Variants in PDE4D observed in about 807,000 individuals in gnomAD.
PDE4D encodes the protein phosphodiesterase 4D, also known as 3',5'-cyclic-AMP phosphodiesterase 4D.
In PDE4D, 24 loss-of-function variants were observed where a neutral mutation model predicts 87.4. The ratio of observed to expected loss-of-function variants is 0.27; its 90% CI spans 0.20 to 0.39. The LOEUF (loss-of-function observed/expected upper bound fraction) is 0.39. PDE4D is among the 10% of genes least tolerant of loss of function. The probability of loss-of-function intolerance (pLI) is 1.00; values close to 1 mark genes in which losing one functional copy is unlikely to be tolerated. For missense variants in PDE4D, 714 were observed against 1,041.0 expected, an observed-to-expected ratio of 0.69 and a Z score of 4.32; for synonymous variants, 384 against 383.2, an observed-to-expected ratio of 1.00 and a Z score of -0.02.
chr5:59,853,915 G>A (rs1435060653), intron 1 of PDE4D, among the ~76,000 whole-genome samples: 1 of 151,840 alleles, frequency 6.6e-6, no homozygotes, highest in Non-Finnish European at 1.5e-5. Flanking sequence ...CTATCATATG[G>A]ACATAATTTA....
chr5:60,265,279 T>C (rs1384342372), intron 1 of PDE4D, among the ~76,000 whole-genome samples: 1 of 152,214 alleles, frequency 6.6e-6, no homozygotes, highest in East Asian at 1.9e-4. Context: ...GCAGGGCCTA[T>C]GTGAGGCTGG....
chr5:59,612,310 AT>A (rs34443614), intron 1 of PDE4D, among the ~76,000 whole-genome samples: 129,459 of 150,362 alleles, frequency 0.86, 55,741 homozygotes, highest in South Asian at 0.93. Context: ...GGATGTTCTA[AT>A]TTTTTTTTTT....
chr5:60,422,410 A>G (rs1435576875), intron 1 of PDE4D, among the ~76,000 whole-genome samples: 1 of 152,174 alleles, frequency 6.6e-6, no homozygotes, highest in Non-Finnish European at 1.5e-5. Context: ...AAAGAAAAAA[A>G]TTTTCAACCC....
rs34669732 is a variant in PDE4D, at chr5:59,518,193, TTGTGTGTG to T, written c.456-302233_456-302226del. ...AGTATATATGTATGTACTTGTGTGT[TTGTGTGTG>T]TGTGTGTGTGTGTGTGTGTGTATAA... On this transcript the variant is annotated intron_variant, in intron 1 of 14. Transcript: ENST00000340635. Among the ~76,000 whole-genome samples, 280 of 149,484 alleles carry T rather than the reference TTGTGTGTG, an allele frequency of 1.9e-3. 1 individual carries two copies. The highest frequency in any genetic ancestry group is 5.3e-3 in the Admixed American group (80 of 15,008).
At chr5:59,346,520 GATA>G (rs1779624676) in intron 1 of PDE4D, among the ~76,000 whole-genome samples, 2 of 151,820 alleles carry the variant, frequency 1.3e-5, no homozygotes, top group South Asian at 4.2e-4. Context: ...TTCCCCCACC[GATA>G]ATAATTTCTT....
At chr5:59,622,692 G>C (rs1023195326) in intron 1 of PDE4D, among the ~76,000 whole-genome samples, 1 of 152,182 alleles carries the variant, frequency 6.6e-6, no homozygotes, top group African/African-American at 2.4e-5. Flanking sequence ...GCACCTGGGA[G>C]ACTATTTTAG....
chr5:60,481,971 T>C (rs1748764198), intron 1 of PDE4D, among the ~76,000 whole-genome samples: 1 of 151,888 alleles, frequency 6.6e-6, no homozygotes, highest in African/African-American at 2.4e-5. Context: ...TGAAGAACAG[T>C]AAGGAAAGAA....
chr5:59,916,600 T>A (rs1003286340), intron 3 of PDE4D, among the ~76,000 whole-genome samples: 1 of 152,204 alleles, frequency 6.6e-6, no homozygotes, highest in Admixed American at 6.5e-5. Context: ...ATAATTTGGT[T>A]TTAAAACCTA....
rs1378163701 is a variant in PDE4D, at chr5:59,398,720, G to A, written c.456-182752C>T. Among the ~76,000 whole-genome samples the A allele has an allele frequency of 3.4e-5, 4 of 116,618 alleles. 1 individual carries two copies. The highest frequency in any genetic ancestry group is 1.4e-4 in the African/African-American group (4 of 27,982). 76.5% of individuals were successfully genotyped at this position (116,618 alleles called of 152,430 possible). A position where few individuals can be genotyped will look rare whatever the true frequency, so the allele number is the denominator to read the frequency against. On this transcript the variant is annotated intron_variant, in intron 1 of 14. Coordinates refer to ENST00000340635, the MANE Select transcript of PDE4D (RefSeq NM_001104631.2). ...ACTCCTATTTAACATAGTGTTGGAA[G>A]TTCTGGCCAGGGCAATTAGGCAGGA... is the stretch of plus-strand genomic sequence containing the variant.
At chr5:58,986,846 A>G (rs1012683894) in intron 11 of PDE4D, among the ~76,000 whole-genome samples, 5 of 152,158 alleles carry the variant, frequency 3.3e-5, no homozygotes, top group African/African-American at 1.2e-4. Flanking sequence ...TGACCTTTCT[A>G]TCAGTTGTTT....
rs1469662585 is a variant in PDE4D at position 60,460,391 on chromosome 5, G to A, written c.-90+27551C>T. The A allele has an allele frequency of 9.8e-5, 102 of 1,035,920 alleles. 3 individuals carry two copies. The South Asian group carries it at 1.2e-3, about 13-fold the overall frequency. 64.2% of individuals were successfully genotyped at this position (1,035,920 alleles called of 1,614,324 possible). A position where few individuals can be genotyped will look rare whatever the true frequency, so the allele number is the denominator to read the frequency against. Reference sequence around the variant, plus strand: ...GTCATTTCAACTCTGCTCAAATAATGCAGTGCCTCTTCATCCTCCTCCAGC... The same window carrying A: ...GTCATTTCAACTCTGCTCAAATAATACAGTGCCTCTTCATCCTCCTCCAGC... On this transcript the variant is annotated intron_variant, in intron 1 of 16. Coordinates refer to the PDE4D transcript ENST00000502484.
At chr5:59,407,503 C>T (rs974127125) in intron 1 of PDE4D, among the ~76,000 whole-genome samples, 1 of 152,042 alleles carries the variant, frequency 6.6e-6, no homozygotes, top group African/African-American at 2.4e-5. Flanking sequence ...CTGAAAATGT[C>T]AAAATGACAT....
At chr5:60,488,316 C>A (rs1749315639), upstream of PDE4D, 1 of 152,184 alleles carries the variant, frequency 6.6e-6, no homozygotes, top group Middle Eastern at 3.4e-3. Context: ...AACGCAGCTA[C>A]ACCTGGAGCA....
intron 1 of PDE4D, among the ~76,000 whole-genome samples, chr5:59,860,504 T>A (rs1746102329): frequency 6.6e-6 from 1 of 152,178 alleles, no homozygotes. Flanking sequence ...ATTGTAATAA[T>A]TTAGTGACAA....
intron 5 of PDE4D, among the ~76,000 whole-genome samples, chr5:59,063,941 G>C (rs1398117350): frequency 1.3e-5 from 2 of 152,108 alleles, no homozygotes; most frequent in Non-Finnish European, 2.9e-5. Flanking sequence ...AATATACAGA[G>C]AGCAGTGAGG....
At chr5:60,253,777 G>T (rs566003788) in intron 1 of PDE4D, among the ~76,000 whole-genome samples, 1 of 151,950 alleles carries the variant, frequency 6.6e-6, no homozygotes, top group African/African-American at 2.4e-5. Context: ...ATCAAAAGGA[G>T]CTAAATGTCT....
At chr5:59,999,757 A>C (rs1047632471) in intron 2 of PDE4D, among the ~76,000 whole-genome samples, 5 of 152,018 alleles carry the variant, frequency 3.3e-5, no homozygotes, top group African/African-American at 1.2e-4. Flanking sequence ...AAAGAAATAA[A>C]AATTTATGTT....
intron 6 of PDE4D, among the ~76,000 whole-genome samples, chr5:59,006,889 A>T (rs1200826645): frequency 6.6e-6 from 1 of 152,208 alleles, no homozygotes; most frequent in Non-Finnish European, 1.5e-5. Context: ...AATTATGGGG[A>T]AACTAAGGCT....
chr5:60,277,410 C>T (rs1027702810), intron 1 of PDE4D, among the ~76,000 whole-genome samples: 2 of 152,066 alleles, frequency 1.3e-5, no homozygotes, highest in Non-Finnish European at 2.9e-5. Context: ...AGTAAGGCTG[C>T]AGAATACACA....
Sources: gnomAD v4.1 joint callset for allele counts (sites outside exome capture counted in the v4.1 genomes callset) on GRCh38, gnomAD v4.1.1 for gene constraint, MANE v1.5 for transcripts, NCBI Gene and HGNC (gene_info 2026-07-23, HGNC 2026-07-21) for gene names.